The following SH3RF3 variants were observed in gnomAD, a reference collection of about 807,000 sequenced individuals.
SH3RF3 encodes the protein SH3 domain containing ring finger 3.
SH3RF3 carries 29 observed loss-of-function variants against 66.3 expected under a neutral mutation model. That is an observed-to-expected ratio of 0.44 (90% CI 0.33 to 0.60). The LOEUF (loss-of-function observed/expected upper bound fraction) is 0.60. SH3RF3 is among the 20% of genes least tolerant of loss of function. The pLI, the probability that SH3RF3 is intolerant of heterozygous loss-of-function variation, is 0.04. For missense variants in SH3RF3, 1,194 were observed against 1,190.9 expected, an observed-to-expected ratio of 1.00 and a Z score of -0.04; for synonymous variants, 583 against 532.0, an observed-to-expected ratio of 1.10 and a Z score of -1.32.
intron 1 of SH3RF3, among the ~76,000 whole-genome samples, chr2:109,212,741 T>C (rs1363170252): frequency 1.3e-5 from 2 of 152,202 alleles, no homozygotes; most frequent in East Asian, 3.9e-4. Flanking sequence ...TCTTTGCCCG[T>C]GGCCCAAAGC....
At chr2:109,496,053 C>T (rs562018140) in intron 9 of SH3RF3, among the ~76,000 whole-genome samples, 76 of 152,308 alleles carry the variant, frequency 5.0e-4, no homozygotes, top group African/African-American at 1.4e-3. Flanking sequence ...GGGGACCCAC[C>T]GGGTTGCCCT....
intron 1 of SH3RF3, among the ~76,000 whole-genome samples, chr2:109,162,418 AT>A (rs924677232): frequency 1.5e-4 from 23 of 151,978 alleles, no homozygotes; most frequent in East Asian, 5.8e-4. Flanking sequence ...TTTATTTTTA[AT>A]TTTTTTTATT....
chr2:109,491,829 C>G (rs952519343), intron 9 of SH3RF3, among the ~76,000 whole-genome samples: 4 of 152,196 alleles, frequency 2.6e-5, no homozygotes, highest in African/African-American at 9.7e-5. Context: ...GTGTTTCTGC[C>G]AGAACCTTTC....
chr2:109,200,181 A>G (rs1046743415), intron 1 of SH3RF3, among the ~76,000 whole-genome samples: 5 of 152,142 alleles, frequency 3.3e-5, no homozygotes, highest in Non-Finnish European at 5.9e-5. Flanking sequence ...CTAGTTTACA[A>G]GAGAACAGAA....
chr2:109,177,785 ATAT>A (rs933312663), intron 1 of SH3RF3, among the ~76,000 whole-genome samples: 1 of 152,226 alleles, frequency 6.6e-6, no homozygotes, highest in Admixed American at 6.5e-5. Flanking sequence ...GATGTAAGAA[ATAT>A]TAAAGCCTAT....
At chr2:109,218,109 C>CT (rs1280373813) in intron 1 of SH3RF3, among the ~76,000 whole-genome samples, 9 of 151,690 alleles carry the variant, frequency 5.9e-5, no homozygotes, top group African/African-American at 1.9e-4. Context: ...TTTTTGGAAA[C>CT]TGAGTAGAGA....
rs113385954 is a variant in SH3RF3, at chr2:109,288,669, C to T, written c.574-59005C>T. Among the ~76,000 whole-genome samples the T allele has an allele frequency of 4.2e-3, 646 of 152,302 alleles. 10 individuals are homozygous for T. The highest frequency in any genetic ancestry group is 0.015 in the African/African-American group (614 of 41,556). On this transcript the variant is annotated intron_variant, in intron 1 of 9. Transcript: ENST00000309415. Reference sequence around the variant, plus strand: ...AGACTGACTTCTTTTCACTCAATTACGTTTTTTTCTCTTTGCCGGGAGCCT... The same window carrying T: ...AGACTGACTTCTTTTCACTCAATTATGTTTTTTTCTCTTTGCCGGGAGCCT...
chr2:109,129,647 CGGCCACCGCCGCG>C lies in SH3RF3; in HGVS notation c.110_122del (p.Ala37GlyfsTer229), dbSNP rs1480605400. On this transcript the variant is annotated frameshift_variant, in exon 1 of 10. Coordinates refer to ENST00000309415, the MANE Select transcript of SH3RF3 (RefSeq NM_001099289.3). LOFTEE classifies it high-confidence loss of function. ...GGCGAGCGACGGCGGCGTCGGGCGG[CGGCCACCGCCGCG>C]GGGGCGGGCGAGGACATGGACGAGT... is the stretch of plus-strand genomic sequence containing the variant. 10 of 1,499,058 alleles carry C rather than the reference CGGCCACCGCCGCG, an allele frequency of 6.7e-6. No individual in the cohort carries two copies. The highest frequency in any genetic ancestry group is 8.8e-6 in the Non-Finnish European group (10 of 1,131,836). The allele number at this position is 1,499,058 out of a possible 1,614,324, so 92.9% of individuals were successfully genotyped here.
intron 8 of SH3RF3, among the ~76,000 whole-genome samples, chr2:109,483,914 C>A (rs1678897691): frequency 6.6e-6 from 1 of 152,124 alleles, no homozygotes; most frequent in African/African-American, 2.4e-5. Flanking sequence ...CCACATCCTG[C>A]TGACTGCATG....
chr2:109,239,569 A>G (rs1243764152), intron 1 of SH3RF3, among the ~76,000 whole-genome samples: 2 of 152,242 alleles, frequency 1.3e-5, no homozygotes, highest in Non-Finnish European at 2.9e-5. Flanking sequence ...TAGTGGGCAG[A>G]CACCATTGTT....
chr2:109,144,058 G>A (rs1056860515), intron 1 of SH3RF3, among the ~76,000 whole-genome samples: 1 of 152,202 alleles, frequency 6.6e-6, no homozygotes, highest in African/African-American at 2.4e-5. Context: ...AGTGTGGGAA[G>A]AGGAGATACT....
At chr2:109,458,572 C>CAGACAGAGAGAGAGAGAGAGAGAG (rs141884248) in intron 8 of SH3RF3, among the ~76,000 whole-genome samples, 3 of 122,980 alleles carry the variant, frequency 2.4e-5, no homozygotes, top group Non-Finnish European at 5.4e-5. Context: ...CAGCAGGAGA[C>CAGACAGAGAGAGAGAGAGAGAGAG]AGAGAGAGAG....
intron 1 of SH3RF3, among the ~76,000 whole-genome samples, chr2:109,136,135 C>A (rs1029983607): frequency 6.6e-6 from 1 of 152,102 alleles, no homozygotes; most frequent in Non-Finnish European, 1.5e-5. Context: ...ATTCGGGGCT[C>A]AGTTTTGCAA....
intron 1 of SH3RF3, among the ~76,000 whole-genome samples, chr2:109,189,979 A>G (rs1340533063): frequency 6.6e-6 from 1 of 152,194 alleles, no homozygotes; most frequent in African/African-American, 2.4e-5. Flanking sequence ...GTGTTTCTCT[A>G]ACAGATCTGC....
intron 1 of SH3RF3, among the ~76,000 whole-genome samples, chr2:109,218,836 A>AAC (rs1298974808): frequency 6.6e-6 from 1 of 152,170 alleles, no homozygotes; most frequent in African/African-American, 2.4e-5. Context: ...TGATTAATCA[A>AAC]ACACACACAC....
At chr2:109,169,682 T>C (rs1677713816) in intron 1 of SH3RF3, among the ~76,000 whole-genome samples, 1 of 152,090 alleles carries the variant, frequency 6.6e-6, no homozygotes, top group Non-Finnish European at 1.5e-5. Context: ...ATTGTTTTCA[T>C]TGTTTGGCTA....
intron 1 of SH3RF3, among the ~76,000 whole-genome samples, chr2:109,183,077 A>T (rs1277093104): frequency 6.6e-6 from 1 of 152,208 alleles, no homozygotes; most frequent in Non-Finnish European, 1.5e-5. Context: ...TGACTAATTT[A>T]TTCAGCACTA....
intron 3 of SH3RF3, among the ~76,000 whole-genome samples, chr2:109,372,572 T>A (rs1273482588): frequency 6.6e-6 from 1 of 152,222 alleles, no homozygotes; most frequent in Non-Finnish European, 1.5e-5. Context: ...TGAATGGCCC[T>A]GCTTTACAGA....
At chr2:109,174,456 A>C (rs1298227072) in intron 1 of SH3RF3, among the ~76,000 whole-genome samples, 1 of 152,148 alleles carries the variant, frequency 6.6e-6, no homozygotes, top group African/African-American at 2.4e-5. Context: ...TGGTGCCCTG[A>C]TCAGAGTAGG....
Sources: gnomAD v4.1 joint callset for allele counts (sites outside exome capture counted in the v4.1 genomes callset) on GRCh38, gnomAD v4.1.1 for gene constraint, MANE v1.5 for transcripts, NCBI Gene and HGNC (gene_info 2026-07-23, HGNC 2026-07-21) for gene names.